Variants in FGF13 observed in about 807,000 individuals in gnomAD.
FGF13 encodes fibroblast growth factor 13, also known as fibroblast growth factor homologous factor 2.
A neutral mutation model predicts 19.5 loss-of-function variants in FGF13; 2 were observed. The ratio of observed to expected loss-of-function variants is 0.10; its 90% confidence interval spans 0.04 to 0.32. FGF13 has a LOEUF of 0.32. FGF13 is among the 10% of genes least tolerant of loss of function. The probability of loss-of-function intolerance (pLI) is 1.00; values close to 1 mark genes in which losing one functional copy is unlikely to be tolerated. For synonymous variants in FGF13, 72 were observed against 76.9 expected, an observed-to-expected ratio of 0.94 and a Z score of 0.33; for missense variants, 113 against 192.7, an observed-to-expected ratio of 0.59 and a Z score of 2.45.
chrX:139,153,672 G>A (rs191039414), intron 1 of FGF13, among the ~76,000 whole-genome samples: 45 of 111,669 alleles, frequency 4.0e-4, no homozygotes, highest in Admixed American at 9.5e-4. Flanking sequence ...AAAAAGATAC[G>A]TTTAAATCCT....
rs2089017225 is a variant in FGF13 at position 138,621,742 on chromosome X, A to T, written c.*11108T>A. The T allele has an allele frequency of 9.0e-6, 1 of 111,503 alleles. No homozygotes were observed. Among genetic ancestry groups the T allele is most frequent in the Admixed American group, 9.6e-5 (1 of 10,464 alleles). The allele number at this position is 111,503 out of a possible 1,213,427, so 9.2% of individuals were successfully genotyped here. ...AAAGAGAAAAGACATAAACAAATAAAATCAGAAATGAAAGAGAAGACATTA... is the reference window on the plus strand; with the variant it reads ...AAAGAGAAAAGACATAAACAAATAATATCAGAAATGAAAGAGAAGACATTA... On this transcript the variant is annotated 3_prime_UTR_variant, in exon 5 of 5. Transcript: ENST00000315930.
chrX:138,907,426 C>T (rs924926365), intron 1 of FGF13, among the ~76,000 whole-genome samples: 2 of 111,596 alleles, frequency 1.8e-5, no homozygotes, highest in African/African-American at 6.5e-5. Context: ...GTTCAGGCTG[C>T]AGCTGGAGTT....
chrX:139,069,417 A>T (rs1603179689), intron 1 of FGF13, among the ~76,000 whole-genome samples: 1 of 81,104 alleles, frequency 1.2e-5, no homozygotes, highest in Non-Finnish European at 2.4e-5. Flanking sequence ...GAACAATGAG[A>T]TCACATGGAC....
intron 1 of FGF13, among the ~76,000 whole-genome samples, chrX:138,994,534 A>G (rs978036392): frequency 9.0e-6 from 1 of 111,703 alleles, no homozygotes. Flanking sequence ...ATAAAAGTTG[A>G]CTAATTATTA....
chrX:138,955,889 C>G (rs1000975480), intron 1 of FGF13, among the ~76,000 whole-genome samples: 2 of 111,950 alleles, frequency 1.8e-5, no homozygotes, highest in African/African-American at 6.5e-5. Context: ...TTCTTCCTCT[C>G]CACTTTGGTA....
intron 1 of FGF13, among the ~76,000 whole-genome samples, chrX:138,877,159 T>G (rs1402057243): frequency 9.2e-6 from 1 of 108,770 alleles, no homozygotes; most frequent in Non-Finnish European, 1.9e-5. Flanking sequence ...GACAAGTCAG[T>G]AGGTGCAGCA....
intron 1 of FGF13, chrX:138,739,150 G>C: frequency 3.6e-6 from 2 of 554,313 alleles, no homozygotes; most frequent in Non-Finnish European, 3.1e-6. Context: ...AAGATCCCTG[G>C]TATAATTTTG....
chrX:138,927,692 A>T (rs1442386033), intron 1 of FGF13, among the ~76,000 whole-genome samples: 2 of 111,895 alleles, frequency 1.8e-5, no homozygotes, highest in African/African-American at 6.5e-5. Context: ...TGTGCTGAAC[A>T]CCATTAAAGG....
intron 3 of FGF13, among the ~76,000 whole-genome samples, chrX:138,675,051 A>G (rs1329738243): frequency 9.0e-6 from 1 of 111,347 alleles, no homozygotes; most frequent in Non-Finnish European, 1.9e-5. Context: ...TATAAGGTAA[A>G]CTAATAGTTA....
chrX:139,135,408 T>C (rs1030217907), intron 1 of FGF13, among the ~76,000 whole-genome samples: 1 of 112,600 alleles, frequency 8.9e-6, no homozygotes, highest in African/African-American at 3.2e-5. Flanking sequence ...TGCTGCAAAT[T>C]GCTTTAAAAA....
At chrX:138,918,443 G>A (rs936579528) in intron 1 of FGF13, among the ~76,000 whole-genome samples, 1 of 111,593 alleles carries the variant, frequency 9.0e-6, no homozygotes, top group African/African-American at 3.3e-5. Context: ...CTCTCATGAG[G>A]AATGGACCCA....
At chrX:139,143,645 G>A (rs938907448) in intron 1 of FGF13, among the ~76,000 whole-genome samples, 7 of 111,313 alleles carry the variant, frequency 6.3e-5, no homozygotes, top group African/African-American at 2.0e-4. Context: ...ATCCCATTTT[G>A]GACCTGCTTG....
intron 1 of FGF13, among the ~76,000 whole-genome samples, chrX:138,983,823 C>T (rs1178353244): frequency 9.9e-5 from 11 of 110,692 alleles, no homozygotes; most frequent in South Asian, 7.8e-4. Flanking sequence ...TTGGTGTAGA[C>T]GTACAATGGG....
At chrX:139,094,731 A>C (rs967007393) in intron 1 of FGF13, among the ~76,000 whole-genome samples, 2 of 112,380 alleles carry the variant, frequency 1.8e-5, no homozygotes, top group Non-Finnish European at 3.8e-5. Flanking sequence ...GGGCCAAATA[A>C]AGTTTCCCAG....
chrX:139,141,082 T>TAGAC (rs1425355182), intron 1 of FGF13, among the ~76,000 whole-genome samples: 6 of 101,019 alleles, frequency 5.9e-5, no homozygotes, highest in African/African-American at 2.3e-4. Context: ...GATAGATAGA[T>TAGAC]AGATAGATAG....
intron 3 of FGF13, among the ~76,000 whole-genome samples, chrX:138,668,241 G>A (rs1200744947): frequency 9.0e-6 from 1 of 111,310 alleles, no homozygotes; most frequent in Non-Finnish European, 1.9e-5. Context: ...TATAGATGAG[G>A]AAACTAAAGG....
intron 1 of FGF13, among the ~76,000 whole-genome samples, chrX:139,010,559 G>T (rs745558196): frequency 9.0e-6 from 1 of 111,465 alleles, no homozygotes; most frequent in Non-Finnish European, 1.9e-5. Flanking sequence ...ATGATGGTTG[G>T]GTCAACAATG....
At chrX:139,083,070 C>T (rs2083381501) in intron 1 of FGF13, among the ~76,000 whole-genome samples, 1 of 110,855 alleles carries the variant, frequency 9.0e-6, no homozygotes, top group South Asian at 3.9e-4. Flanking sequence ...TGCTCGCTTT[C>T]TGTCTCCCTC....
At position 138,922,774 on chromosome X, in the gene FGF13, G is replaced by A. The variant is rs896338726; in HGVS notation, c.-112-58124C>T. 3.6e-5 allele frequency among the ~76,000 whole-genome samples: 4 copies of A among 111,270 alleles called. 1 individual carries two copies. Among genetic ancestry groups the A allele is most frequent in the Non-Finnish European group, 7.5e-5 (4 of 53,064 alleles). On this transcript the variant is annotated intron_variant, in intron 1 of 2. Coordinates refer to the FGF13 transcript ENST00000421460. ...ATTCCTCATTTCCACTGTCACTTTC[G>A]TAGTTCATGGTAGAATTTCACTTAA...
Sources: gnomAD v4.1 joint callset for allele counts (sites outside exome capture counted in the v4.1 genomes callset) on GRCh38, gnomAD v4.1.1 for gene constraint, MANE v1.5 for transcripts, NCBI Gene and HGNC (gene_info 2026-07-23, HGNC 2026-07-21) for gene names.